Variants in RPH3A observed in about 807,000 individuals in gnomAD.
RPH3A encodes rabphilin-3A.
A neutral mutation model predicts 102.2 loss-of-function variants in RPH3A; 48 were observed. The observed-to-expected ratio is 0.47, with a 90% CI of 0.37 to 0.60. RPH3A has a LOEUF of 0.60. Ranked by LOEUF, RPH3A falls within the 20% of genes least tolerant of loss-of-function variation. The probability of loss-of-function intolerance (pLI) is 0.00; values close to 1 mark genes in which losing one functional copy is unlikely to be tolerated. For synonymous variants in RPH3A, 310 were observed against 324.3 expected (o/e 0.96, Z 0.47); for missense variants, 781 against 910.1 (o/e 0.86, Z 1.83).
intron 5 of RPH3A, among the ~76,000 whole-genome samples, chr12:112,855,782 A>G (rs1180017442): frequency 6.6e-6 from 1 of 152,188 alleles, no homozygotes; most frequent in East Asian, 1.9e-4. Flanking sequence ...AGAAAGTGCC[A>G]ACTTTAATAA....
intron 1 of RPH3A, among the ~76,000 whole-genome samples, chr12:112,696,878 T>C (rs1417262581): frequency 6.6e-6 from 1 of 152,198 alleles, no homozygotes; most frequent in African/African-American, 2.4e-5. Context: ...TTCAGCATTT[T>C]ATGTCATATG....
chr12:112,865,346 G>C (rs2042591413), intron 5 of RPH3A, 68 bp from the exon 6 acceptor site: 2 of 1,573,572 alleles, frequency 1.3e-6, no homozygotes, highest in Non-Finnish European at 1.7e-6. Context: ...CTATCAACCT[G>C]ACACTGTGGG....
intron 1 of RPH3A, among the ~76,000 whole-genome samples, chr12:112,615,616 T>C (rs1352198442): frequency 6.6e-6 from 1 of 152,144 alleles, no homozygotes; most frequent in African/African-American, 2.4e-5. Flanking sequence ...GGAGAGGTGC[T>C]GGTGCTTGTC....
At chr12:112,743,051 A>T (rs899894882) in intron 1 of RPH3A, among the ~76,000 whole-genome samples, 4 of 152,082 alleles carry the variant, frequency 2.6e-5, no homozygotes, top group African/African-American at 9.7e-5. Context: ...TCTGTAGTCA[A>T]ATCTCCCTCT....
intron 21 of RPH3A, 48 bp from the exon 22 acceptor site, chr12:112,896,602 C>A: frequency 6.2e-7 from 1 of 1,608,384 alleles, no homozygotes; most frequent in Non-Finnish European, 8.5e-7. Flanking sequence ...GGGTCTAGAA[C>A]GACCTCTATT....
rs1287451171 is a variant in RPH3A, at chr12:112,626,689, C to T, written c.-140+51370C>T. 6.0e-3 allele frequency among the ~76,000 whole-genome samples: 668 copies of T among 110,850 alleles called. 4 individuals are homozygous for T. The highest frequency in any genetic ancestry group is 0.023 in the African/African-American group (636 of 28,202). The allele number at this position is 110,850 out of a possible 152,430, so 72.7% of individuals were successfully genotyped here. A position where few individuals can be genotyped will look rare whatever the true frequency, so the allele number is the denominator to read the frequency against. On this transcript the variant is annotated intron_variant, in intron 1 of 21. Transcript: ENST00000543106. ...ATCTAGAACTAGAAATACCATTTGA[C>T]CCAGCCATCCCATTACTGGGTATAT...
chr12:112,855,375 T>G (rs2042394381), intron 5 of RPH3A, among the ~76,000 whole-genome samples: 1 of 152,238 alleles, frequency 6.6e-6, no homozygotes, highest in Non-Finnish European at 1.5e-5. Context: ...TTGCTGTTCC[T>G]GGGTTTGTCA....
At chr12:112,686,591 C>A (rs1246060983) in intron 1 of RPH3A, among the ~76,000 whole-genome samples, 1 of 152,190 alleles carries the variant, frequency 6.6e-6, no homozygotes, top group African/African-American at 2.4e-5. Flanking sequence ...GTCTTCCCTG[C>A]CAGCTGACAT....
chr12:112,804,298 T>A (rs1190348140), intron 2 of RPH3A, among the ~76,000 whole-genome samples: 2 of 151,980 alleles, frequency 1.3e-5, no homozygotes, highest in Middle Eastern at 3.2e-3. Context: ...AAGCAGATGG[T>A]GAATTTGGTG....
rs372944425 is a variant in RPH3A at position 112,720,874 on chromosome 12, G to C, written c.-139-71269G>C. Reference sequence around the variant, plus strand: ...AGGAACTCAAAGTTACATGGCAAAGGGCATGGTTACAGGAAAGGATGAAGA... The same window carrying C: ...AGGAACTCAAAGTTACATGGCAAAGCGCATGGTTACAGGAAAGGATGAAGA... On this transcript the variant is annotated intron_variant, in intron 1 of 21. Coordinates refer to the RPH3A transcript ENST00000543106. 9.2e-5 allele frequency among the ~76,000 whole-genome samples: 14 copies of C among 152,272 alleles called. No homozygotes were observed. The East Asian group carries it at 1.7e-3, about 19-fold the overall frequency.
chr12:112,750,322 G>A (rs1197712321), intron 1 of RPH3A, among the ~76,000 whole-genome samples: 2 of 152,184 alleles, frequency 1.3e-5, no homozygotes, highest in Non-Finnish European at 2.9e-5. Flanking sequence ...GAAACACTAG[G>A]AGGGGAGTGG....
At chr12:112,664,242 GT>G (rs2040069531) in intron 1 of RPH3A, among the ~76,000 whole-genome samples, 1 of 152,132 alleles carries the variant, frequency 6.6e-6, no homozygotes, top group Non-Finnish European at 1.5e-5. Flanking sequence ...AAGGGTGAAG[GT>G]CAGACCAGGA....
chr12:112,883,488 C>A, intron 16 of RPH3A, 86 bp downstream of exon 16: 1 of 895,366 alleles, frequency 1.1e-6, no homozygotes, highest in Non-Finnish European at 1.8e-6. Flanking sequence ...GCCCCCAGGG[C>A]TTCACTCTAA....
intron 1 of RPH3A, among the ~76,000 whole-genome samples, chr12:112,700,833 C>T (rs1218232451): frequency 6.6e-6 from 1 of 152,208 alleles, no homozygotes; most frequent in Non-Finnish European, 1.5e-5. Flanking sequence ...GACATTGTCA[C>T]TCTTTATACC....
chr12:112,850,651 G>T (rs574544441), intron 5 of RPH3A: 1 of 152,332 alleles, frequency 6.6e-6, no homozygotes, highest in South Asian at 2.1e-4. Flanking sequence ...TGCTATTTGT[G>T]TCTTATAAAC....
At chr12:112,831,043 C>T (rs1225625410) in intron 3 of RPH3A, among the ~76,000 whole-genome samples, 1 of 151,640 alleles carries the variant, frequency 6.6e-6, no homozygotes, top group Non-Finnish European at 1.5e-5. Flanking sequence ...GCAACTACTC[C>T]ACTTTCACTG....
At chr12:112,734,591 A>G (rs1414635749) in intron 1 of RPH3A, among the ~76,000 whole-genome samples, 3 of 152,178 alleles carry the variant, frequency 2.0e-5, no homozygotes, top group African/African-American at 7.2e-5. Context: ...AAGAATGGCT[A>G]CTCCATAGGC....
At chr12:112,652,195 C>T (rs1250107067) in intron 1 of RPH3A, among the ~76,000 whole-genome samples, 1 of 151,938 alleles carries the variant, frequency 6.6e-6, no homozygotes, top group Non-Finnish European at 1.5e-5. Flanking sequence ...AAATCTAGAG[C>T]CAGGGTGTGG....
intron 1 of RPH3A, among the ~76,000 whole-genome samples, chr12:112,646,258 C>G (rs1296835250): frequency 6.6e-6 from 1 of 152,182 alleles, no homozygotes; most frequent in Non-Finnish European, 1.5e-5. Context: ...AGTGCCTTGA[C>G]AACTTCACCA....
Sources: allele counts gnomAD v4.1 joint callset (sites outside exome capture counted in the v4.1 genomes callset), GRCh38; gene constraint gnomAD v4.1.1; transcripts MANE v1.5; gene names NCBI Gene and HGNC (gene_info 2026-07-23, HGNC 2026-07-21).